The following COL22A1 variants were observed in gnomAD, a reference collection of about 807,000 sequenced individuals.
COL22A1 encodes collagen alpha-1(XXII) chain.
In COL22A1, 221 loss-of-function variants were observed where a neutral mutation model predicts 248.9. That is an observed-to-expected ratio of 0.89 (90% CI 0.80 to 0.99). The LOEUF is 0.99. Ranked by LOEUF, COL22A1 falls within the 50% of genes least tolerant of loss-of-function variation. The pLI is 0.00. For missense variants in COL22A1, 2,240 were observed against 2,179.0 expected (o/e 1.03, Z -0.56); for synonymous variants, 891 against 793.4 (o/e 1.12, Z -2.07).
chr8:138,626,010 A>C (rs1820207858), intron 51 of COL22A1, among the ~76,000 whole-genome samples, 180 bp downstream of exon 51: 1 of 152,186 alleles, frequency 6.6e-6, no homozygotes, highest in Admixed American at 6.6e-5. Context: ...ATTCTACCCA[A>C]ATTTTAGTTG....
In COL22A1 at chr8:138,649,778, C is replaced by T. The variant is rs75768822; in HGVS notation, c.3334G>A (p.Asp1112Asn). ...CCAGGAGGGCAGTCATTGCACACAT[C>T]CTGAGAGTGGGGAGAGAGGTGGGGA... ...SPGDINLLAK[D>N]VCNDCPPGPP... is the part of the protein sequence containing the mutation. Residue 1112 changes from aspartate (D) to asparagine (N), a missense_variant and splice_region_variant, in exon 46 of 65, where the codon GAT becomes AAT. Physicochemically the swap from Asp to Asn is conservative, Grantham distance 23. Coordinates refer to ENST00000303045, the MANE Select transcript of COL22A1 (RefSeq NM_152888.3). 647 of 1,563,374 alleles carry T rather than the reference C, an allele frequency of 4.1e-4. 2 individuals carry two copies. The African/African-American group carries it at 8.1e-3, about 19-fold the overall frequency.
At chr8:138,904,452 G>A (rs1447180861) in intron 1 of COL22A1, among the ~76,000 whole-genome samples, 1 of 152,050 alleles carries the variant, frequency 6.6e-6, no homozygotes, top group Non-Finnish European at 1.5e-5. Context: ...AAGAGGACAG[G>A]ACAGCCCTTC....
intron 3 of COL22A1, among the ~76,000 whole-genome samples, chr8:138,852,226 C>T (rs545262901): frequency 1.2e-4 from 18 of 151,866 alleles, no homozygotes; most frequent in African/African-American, 2.9e-4. Context: ...GGGGAGGGCC[C>T]GGCTGTGACA....
intron 4 of COL22A1, among the ~76,000 whole-genome samples, chr8:138,836,174 G>A (rs1178617238): frequency 2.6e-5 from 4 of 152,194 alleles, no homozygotes; most frequent in Non-Finnish European, 5.9e-5. Context: ...GGGAGGCTGA[G>A]GCAGGAGAAT....
chr8:138,871,027 C>T (rs1442492150), intron 3 of COL22A1, among the ~76,000 whole-genome samples: 3 of 151,854 alleles, frequency 2.0e-5, no homozygotes, highest in African/African-American at 2.4e-5. Context: ...GGGAGTGTGG[C>T]CTGGAAGGCA....
intron 1 of COL22A1, among the ~76,000 whole-genome samples, chr8:138,887,179 C>A (rs1318248486): frequency 2.6e-5 from 4 of 151,636 alleles, no homozygotes; most frequent in Non-Finnish European, 4.4e-5. Context: ...GTCCCCACCT[C>A]TCCCCACCCC....
At chr8:138,834,625 C>A (rs1227641593) in intron 4 of COL22A1, among the ~76,000 whole-genome samples, 2 of 95,956 alleles carry the variant, frequency 2.1e-5, no homozygotes, top group East Asian at 7.3e-4. Flanking sequence ...TCTCTGAGCA[C>A]TGGCTTTATT....
At chr8:138,843,998 G>A (rs541529765) in intron 4 of COL22A1, 86 bp downstream of exon 4, 30 of 1,189,368 alleles carry the variant, frequency 2.5e-5, no homozygotes, top group Admixed American at 2.2e-4. Context: ...GGTCAGTGAG[G>A]CCACCCCTGA....
chr8:138,662,732 C>A (rs1186379787), intron 42 of COL22A1, among the ~76,000 whole-genome samples: 1 of 152,110 alleles, frequency 6.6e-6, no homozygotes, highest in Admixed American at 6.5e-5. Flanking sequence ...TCTCACATGA[C>A]CCCTCCATCT....
intron 22 of COL22A1, among the ~76,000 whole-genome samples, chr8:138,743,005 G>A (rs1253875634): frequency 6.6e-6 from 1 of 151,514 alleles, no homozygotes; most frequent in African/African-American, 2.4e-5. Context: ...TGATGATGAT[G>A]GTAGTAGTGA....
intron 1 of COL22A1, among the ~76,000 whole-genome samples, chr8:138,898,012 G>A (rs1325843400): frequency 1.3e-5 from 2 of 152,104 alleles, no homozygotes; most frequent in East Asian, 3.9e-4. Flanking sequence ...TCCTCAGATG[G>A]CAGATGGGGC....
At chr8:138,608,548 C>T (rs1818600149) in intron 56 of COL22A1, among the ~76,000 whole-genome samples, 1 of 152,214 alleles carries the variant, frequency 6.6e-6, no homozygotes, top group African/African-American at 2.4e-5. Flanking sequence ...GGTCCATTCA[C>T]TCCAGATTCC....
intron 46 of COL22A1, among the ~76,000 whole-genome samples, 181 bp downstream of exon 46, chr8:138,649,484 T>C (rs1822498183): frequency 6.6e-6 from 1 of 152,304 alleles, no homozygotes; most frequent in Admixed American, 6.5e-5. Flanking sequence ...CAAAGACCCA[T>C]AGATACCCAC....
intron 22 of COL22A1, among the ~76,000 whole-genome samples, chr8:138,739,592 G>A (rs373612681): frequency 2.6e-5 from 4 of 152,244 alleles, no homozygotes; most frequent in South Asian, 2.1e-4. Flanking sequence ...AAGTGGAGTC[G>A]GGCTCTGGTT....
At chr8:138,883,662 G>A (rs1352294813) in intron 1 of COL22A1, among the ~76,000 whole-genome samples, 2 of 152,138 alleles carry the variant, frequency 1.3e-5, no homozygotes, top group Non-Finnish European at 2.9e-5. Flanking sequence ...ATGATATTGA[G>A]TGAGTTCTCA....
intron 3 of COL22A1, among the ~76,000 whole-genome samples, chr8:138,864,447 G>A (rs1354117105): frequency 6.6e-6 from 1 of 152,000 alleles, no homozygotes; most frequent in African/African-American, 2.4e-5. Context: ...GAGCCTGGGT[G>A]TGACTCTCCC....
intron 1 of COL22A1, among the ~76,000 whole-genome samples, chr8:138,906,930 A>G (rs542371558): frequency 1.3e-5 from 2 of 152,288 alleles, no homozygotes; most frequent in East Asian, 3.9e-4. Flanking sequence ...CGGGACTACA[A>G]GCATGAGCCA....
At position 138,801,603 on chromosome 8, in the gene COL22A1, C is replaced by T. The variant is rs201435238; in HGVS notation, c.1557+1269G>A. Among the ~76,000 whole-genome samples, 8 of 152,292 alleles carry T rather than the reference C, an allele frequency of 5.3e-5. No homozygotes were observed. In the East Asian group the frequency reaches 1.4e-3, roughly 26 times the overall value. On this transcript the variant is annotated intron_variant, in intron 11 of 64. Transcript: ENST00000303045. ...TAAACCAAGTAGTTGTTATACTCCT[C>T]ATTTTGCTAATGTGTAAATGAGGCT... is the stretch of plus-strand genomic sequence containing the variant.
intron 36 of COL22A1, among the ~76,000 whole-genome samples, chr8:138,690,323 C>T (rs1357009965): frequency 3.3e-5 from 5 of 152,130 alleles, no homozygotes; most frequent in Non-Finnish European, 7.3e-5. Flanking sequence ...TGGGCCTCGA[C>T]ATGGAAAAGG....
Sources: allele counts gnomAD v4.1 joint callset (sites outside exome capture counted in the v4.1 genomes callset), GRCh38; gene constraint gnomAD v4.1.1; transcripts MANE v1.5; gene names NCBI Gene and HGNC (gene_info 2026-07-23, HGNC 2026-07-21).